Variants in MS4A2 observed in about 807,000 individuals in gnomAD.
MS4A2 encodes high affinity immunoglobulin epsilon receptor subunit beta.
Under a neutral mutation model 27.9 loss-of-function variants are expected in MS4A2, and 26 were observed. The observed-to-expected ratio is 0.93, with a 90% confidence interval of 0.68 to 1.29. MS4A2 has a LOEUF of 1.29. Among genes scored for constraint, MS4A2 ranks in the 50% most tolerant of loss-of-function variants. MS4A2 has a pLI of 0.00. For missense variants in MS4A2, 284 were observed against 284.6 expected (o/e 1.00, Z 0.01); for synonymous variants, 110 against 98.8 (o/e 1.11, Z -0.67).
chr11:60,091,575 T>C (rs1280481260), intron 3 of MS4A2, among the ~76,000 whole-genome samples: 1 of 152,212 alleles, frequency 6.6e-6, no homozygotes, highest in African/African-American at 2.4e-5. Flanking sequence ...ATCTGCTTTC[T>C]GTGAATATAA....
intron 3 of MS4A2, among the ~76,000 whole-genome samples, chr11:60,092,420 C>T (rs1855779573): frequency 6.6e-6 from 1 of 151,788 alleles, no homozygotes; most frequent in Admixed American, 6.6e-5. Context: ...CTCAGCCTCC[C>T]TAGTAGCTGG....
At position 60,098,177 on chromosome 11, in the gene MS4A2, C is replaced by T. The variant is rs1855901171; in HGVS notation, c.*2521C>T. On this transcript the variant is annotated 3_prime_UTR_variant, in exon 7 of 7. Transcript: ENST00000278888. ...CAAGATCATTCTGAGAGTTGCCCCA[C>T]CCTACCTGCCTTTTATAGTATGCCC... 6.6e-6 allele frequency: 1 copy of T among 152,166 alleles called. No individual in the cohort carries two copies. The highest frequency in any genetic ancestry group is 3.2e-3 in the Middle Eastern group (1 of 316). The allele number at this position is 152,166 out of a possible 1,614,324, so 9.4% of individuals were successfully genotyped here. A position where few individuals can be genotyped will look rare whatever the true frequency, so the allele number is the denominator to read the frequency against.
intron 2 of MS4A2, 111 bp downstream of exon 2, chr11:60,089,932 T>TA: frequency 7.2e-7 from 1 of 1,383,180 alleles, no homozygotes; most frequent in Non-Finnish European, 9.9e-7. Flanking sequence ...TTAGGTCCTT[T>TA]AAAAAACATG....
intron 3 of MS4A2, 82 bp downstream of exon 3, chr11:60,090,552 C>A: frequency 7.7e-7 from 1 of 1,302,354 alleles, no homozygotes; most frequent in Non-Finnish European, 1.1e-6. Context: ...GTTGTTTATT[C>A]CCAGTATTAA....
rs1390236563 is a variant in MS4A2, at chr11:60,089,817, TGG to T, written c.186_186+1del. The T allele has an allele frequency of 6.2e-7, 1 of 1,613,918 alleles. No individual in the cohort carries two copies. The highest frequency in any genetic ancestry group is 8.5e-7 in the Non-Finnish European group (1 of 1,179,980). ...GTTTTGAAAAAAGAGCAGGAGTTCC[TGG>T]GGGTGAGTGAGCCTCCTCCAACTTT... On this transcript the variant is annotated frameshift_variant and splice_region_variant, in exon 2 of 7. Transcript: ENST00000278888. LOFTEE classifies it high-confidence loss of function.
chr11:60,093,485 G>A lies in MS4A2; in HGVS notation c.464G>A (p.Ser155Asn), dbSNP rs1855806768. The change falls in exon 5 of 7, where the codon AGC becomes AAC. Residue 155 changes from serine to asparagine, a missense_variant. Ser to Asn is a conservative substitution (Grantham distance 46). Transcript: ENST00000278888. ...ITILIINLKKSLAYIHIHSCQ... is the reference protein window; with the variant it reads ...ITILIINLKKNLAYIHIHSCQ... ...ATCCTGATCATCAACCTGAAGAAGA[G>A]CTTGGCCTATATCCACATCCACAGT... 6.2e-7 allele frequency: 1 copy of A among 1,614,184 alleles called. No homozygotes were observed. The highest frequency in any genetic ancestry group is 8.5e-7 in the Non-Finnish European group (1 of 1,180,028).
At chr11:60,093,618 C>T (rs1303607783) in intron 5 of MS4A2, 60 bp downstream of exon 5, 2 of 1,586,314 alleles carry the variant, frequency 1.3e-6, no homozygotes. Context: ...AAGTAAGAAG[C>T]CCTCTTCTCC....
intron 6 of MS4A2, 131 bp downstream of exon 6, chr11:60,094,193 G>A: frequency 1.4e-6 from 1 of 707,484 alleles, no homozygotes; most frequent in Non-Finnish European, 2.5e-6. Context: ...TATTACTTTG[G>A]TTTACAAATC....
rs970251685 is a variant in MS4A2, at chr11:60,097,524, GATAGTTGATTATGAATAGAA to G, written c.*1869_*1888del. 1.3e-5 allele frequency: 2 copies of G among 152,186 alleles called. No homozygotes were observed. The highest frequency in any genetic ancestry group is 1.3e-4 in the Admixed American group (2 of 15,278). 9.4% of individuals were successfully genotyped at this position (152,186 alleles called of 1,614,324 possible). A position where few individuals can be genotyped will look rare whatever the true frequency, so the allele number is the denominator to read the frequency against. ...GAATGGGAGCATATGTGAGAAATAA[GATAGTTGATTATGAATAGAA>G]GGTAGTGAAGAAAAGCAAGCTAAGA... On this transcript the variant is annotated 3_prime_UTR_variant, in exon 7 of 7. Transcript: ENST00000278888.
intron 4 of MS4A2, 102 bp from the exon 5 acceptor site, chr11:60,093,298 A>T: frequency 6.9e-7 from 1 of 1,458,520 alleles, no homozygotes; most frequent in Non-Finnish European, 9.5e-7. Context: ...TTTGGAAGCA[A>T]TGTGGAATTT....
In MS4A2 at chr11:60,096,241, C is replaced by T. The variant is rs1855867067; in HGVS notation, c.*585C>T. 1 of 152,766 alleles carries T rather than the reference C, an allele frequency of 6.5e-6. No homozygotes were observed. The highest frequency in any genetic ancestry group is 6.5e-5 in the Admixed American group (1 of 15,372). 9.5% of individuals were successfully genotyped at this position (152,766 alleles called of 1,614,324 possible). On this transcript the variant is annotated 3_prime_UTR_variant, in exon 7 of 7. Coordinates refer to ENST00000278888, the MANE Select transcript of MS4A2 (RefSeq NM_000139.5). ...ATTGCCTGAATCACCAGCACATTCA[C>T]TGACATGATATTATTTGCAGATTGA... is the stretch of plus-strand genomic sequence containing the variant.
Position 60,096,098 on chromosome 11 carries a change from TCA to T in MS4A2, c.*445_*446del, listed in dbSNP as rs1166492694. On this transcript the variant is annotated 3_prime_UTR_variant, in exon 7 of 7. Transcript: ENST00000278888. ...GTACCATCCACCCATACCCACACAG[TCA>T]CAGTCACACACACATATGTATTACT... 1 of 210,660 alleles carries T rather than the reference TCA, an allele frequency of 4.7e-6. No individual in the cohort carries two copies. Among genetic ancestry groups the T allele is most frequent in the African/African-American group, 2.4e-5 (1 of 42,346 alleles). 13.0% of individuals were successfully genotyped at this position (210,660 alleles called of 1,614,324 possible).
chr11:60,092,207 C>G (rs1055251154), intron 3 of MS4A2, among the ~76,000 whole-genome samples: 2 of 152,028 alleles, frequency 1.3e-5, no homozygotes, highest in Admixed American at 6.6e-5. Context: ...TCCTGGAAGC[C>G]TCATGTAAAT....
chr11:60,090,590 A>G (rs1855742432), intron 3 of MS4A2, 120 bp downstream of exon 3: 5 of 903,268 alleles, frequency 5.5e-6, no homozygotes, highest in African/African-American at 1.7e-5. Context: ...TTAATTATAA[A>G]TTATATGTGA....
At position 60,089,779 on chromosome 11, in the gene MS4A2, T is replaced by G; in HGVS notation, c.144T>G (p.His48Gln). The G allele has an allele frequency of 6.2e-7, 1 of 1,614,168 alleles. No homozygotes were observed. The highest frequency in any genetic ancestry group is 8.5e-7 in the Non-Finnish European group (1 of 1,180,020). Residue 48 changes from histidine (H) to glutamine (Q), a missense_variant, in exon 2 of 7, where the codon CAT becomes CAG. Coordinates refer to ENST00000278888, the MANE Select transcript of MS4A2 (RefSeq NM_000139.5). ...LLKSASSPPL[H>Q]TWLTVLKKEQ... is the part of the protein sequence containing the mutation. Reference sequence around the variant, plus strand: ...AGTCGGCCTCATCCCCACCACTGCATACATGGCTGACAGTTTTGAAAAAAG... The same window carrying G: ...AGTCGGCCTCATCCCCACCACTGCAGACATGGCTGACAGTTTTGAAAAAAG...
chr11:60,093,802 TTGTGTGTGTGTGTGTGTGTG>T, intron 5 of MS4A2, 142 bp from the exon 6 acceptor site: 1 of 639,536 alleles, frequency 1.6e-6, no homozygotes, highest in South Asian at 1.8e-5. Flanking sequence ...GTGCCTGTGT[TTGTGTGTGTGTGTGTGTGTG>T]TGTGTGTGTG....
chr11:60,089,955 T>C (rs1855727505), intron 2 of MS4A2, 134 bp downstream of exon 2: 2 of 1,173,836 alleles, frequency 1.7e-6, no homozygotes, highest in Non-Finnish European at 2.4e-6. Flanking sequence ...AGATAAAGAG[T>C]TGACACTAAC....
At chr11:60,094,524 C>T (rs1369859220) in intron 6 of MS4A2, among the ~76,000 whole-genome samples, 4 of 152,214 alleles carry the variant, frequency 2.6e-5, no homozygotes, top group Admixed American at 6.5e-5. Context: ...TTGCCTCACC[C>T]GTCCATTACA....
In MS4A2 at chr11:60,090,413, T is replaced by G. The variant is rs1333393116; in HGVS notation, c.264T>G (p.Ile88Met). The change falls in exon 3 of 7, where the codon ATT becomes ATG. Residue 88 changes from isoleucine to methionine, a missense_variant. Coordinates refer to ENST00000278888, the MANE Select transcript of MS4A2 (RefSeq NM_000139.5). Reference sequence around the variant, plus strand: ...GCTCTGTACTTGATATTTCACACATTGAGGGAGACATTTTTTCATCATTTA... The same window carrying G: ...GCTCTGTACTTGATATTTCACACATGGAGGGAGACATTTTTTCATCATTTA... ...VVCSVLDISH[I>M]EGDIFSSFKA... The G allele has an allele frequency of 6.2e-7, 1 of 1,613,516 alleles. No individual in the cohort carries two copies. Among genetic ancestry groups the G allele is most frequent in the South Asian group, 1.1e-5 (1 of 91,074 alleles).
Sources: allele counts gnomAD v4.1 joint callset (sites outside exome capture counted in the v4.1 genomes callset), GRCh38; gene constraint gnomAD v4.1.1; transcripts MANE v1.5; gene names NCBI Gene and HGNC (gene_info 2026-07-23, HGNC 2026-07-21).